The following LUZP2 variants were observed in gnomAD, a reference collection of about 807,000 sequenced individuals.
The protein encoded by LUZP2 is leucine zipper protein 2.
Under a neutral mutation model 51.6 loss-of-function variants are expected in LUZP2, and 52 were observed. The observed-to-expected ratio is 1.01, with a 90% CI of 0.81 to 1.27. LUZP2 has a LOEUF of 1.27. Ranked by LOEUF, LUZP2 falls within the 50% of genes most tolerant of loss-of-function variation. The probability of loss-of-function intolerance (pLI) is 0.00; values close to 1 mark genes in which losing one functional copy is unlikely to be tolerated. For missense variants in LUZP2, 436 were observed against 395.4 expected (o/e 1.10, Z -0.87); for synonymous variants, 154 against 137.3 (o/e 1.12, Z -0.85).
At chr11:24,510,424 C>A (rs1590118332) in intron 1 of LUZP2, among the ~76,000 whole-genome samples, 1 of 152,134 alleles carries the variant, frequency 6.6e-6, no homozygotes, top group East Asian at 1.9e-4. Context: ...TGCCTGCAAC[C>A]CTTGCCACCT....
At chr11:24,896,830 T>C (rs1853078455) in intron 5 of LUZP2, among the ~76,000 whole-genome samples, 1 of 152,214 alleles carries the variant, frequency 6.6e-6, no homozygotes, top group South Asian at 2.1e-4. Context: ...ATCAGCACTC[T>C]GTGTCTAGCT....
chr11:24,684,437 C>T (rs1177967045), intron 1 of LUZP2, among the ~76,000 whole-genome samples: 1 of 152,140 alleles, frequency 6.6e-6, no homozygotes, highest in African/African-American at 2.4e-5. Flanking sequence ...TTGTAGTGTT[C>T]CTTCTGTCCT....
chr11:24,620,708 G>A (rs1279818561), intron 1 of LUZP2, among the ~76,000 whole-genome samples: 2 of 152,132 alleles, frequency 1.3e-5, no homozygotes, highest in African/African-American at 4.8e-5. Context: ...AGTCCTGTGA[G>A]AAACACCCAT....
At position 24,738,247 on chromosome 11, in the gene LUZP2, C is replaced by T; in HGVS notation, c.278C>T (p.Ala93Val). The T allele has an allele frequency of 6.2e-7, 1 of 1,612,018 alleles. No individual in the cohort carries two copies. Among genetic ancestry groups the T allele is most frequent in the Non-Finnish European group, 8.5e-7 (1 of 1,178,574 alleles). Residue 93 changes from alanine to valine, a missense_variant, in exon 4 of 12, where the codon GCC becomes GTC. Coordinates refer to ENST00000336930, the MANE Select transcript of LUZP2 (RefSeq NM_001009909.4). ...GAAGAAATGAAGTCTCTTCAGGAGG[C>T]CCTGCAAAATCAGCTTAAGGAGACA... is the stretch of plus-strand genomic sequence containing the variant. The part of the protein sequence containing the change: ...QREEMKSLQE[A>V]LQNQLKETSE...
At chr11:24,540,353 G>T (rs1045968753) in intron 1 of LUZP2, among the ~76,000 whole-genome samples, 3 of 152,066 alleles carry the variant, frequency 2.0e-5, no homozygotes, top group Non-Finnish European at 2.9e-5. Context: ...CCTTTGGGAG[G>T]CAATTAGGGT....
intron 1 of LUZP2, among the ~76,000 whole-genome samples, chr11:24,706,940 C>G (rs180731977): frequency 6.7e-6 from 1 of 150,312 alleles, no homozygotes; most frequent in Admixed American, 6.6e-5. Flanking sequence ...TTCTATAGCA[C>G]TGTGATCTGG....
intron 1 of LUZP2, among the ~76,000 whole-genome samples, chr11:24,623,538 C>T (rs1053012090): frequency 1.3e-5 from 2 of 152,002 alleles, no homozygotes; most frequent in African/African-American, 4.8e-5. Flanking sequence ...CAGCTATGTC[C>T]CCATCACTTA....
At chr11:24,537,883 G>A (rs983014341) in intron 1 of LUZP2, among the ~76,000 whole-genome samples, 1 of 151,718 alleles carries the variant, frequency 6.6e-6, no homozygotes, top group African/African-American at 2.4e-5. Context: ...ATATTTTACT[G>A]TCTTGCTTTC....
chr11:24,770,860 A>G (rs1476071740), intron 5 of LUZP2, among the ~76,000 whole-genome samples: 1 of 152,200 alleles, frequency 6.6e-6, no homozygotes, highest in Non-Finnish European at 1.5e-5. Flanking sequence ...CTCTACAAAC[A>G]CACCACTGAT....
chr11:24,915,854 T>C (rs79689808), intron 7 of LUZP2, among the ~76,000 whole-genome samples: 1,638 of 152,068 alleles, frequency 0.011, 36 homozygotes, highest in African/African-American at 0.037. Flanking sequence ...CAAAAGTATC[T>C]ATTAACACAG....
At chr11:24,677,124 G>T (rs12576818) in intron 1 of LUZP2, among the ~76,000 whole-genome samples, 1 of 151,676 alleles carries the variant, frequency 6.6e-6, no homozygotes, top group Non-Finnish European at 1.5e-5. Context: ...ATCATTTTTT[G>T]TCTATTTCCA....
At chr11:24,608,939 G>A (rs1854026894) in intron 1 of LUZP2, among the ~76,000 whole-genome samples, 1 of 151,978 alleles carries the variant, frequency 6.6e-6, no homozygotes, top group African/African-American at 2.4e-5. Flanking sequence ...GATATCTAGT[G>A]GTATTTGCTG....
intron 5 of LUZP2, among the ~76,000 whole-genome samples, chr11:24,793,063 A>AACTG (rs1849450587): frequency 6.6e-6 from 1 of 152,184 alleles, no homozygotes; most frequent in African/African-American, 2.4e-5. Flanking sequence ...GCAAATTATT[A>AACTG]ACTGTGGATT....
At chr11:24,896,206 G>A (rs1421047658) in intron 5 of LUZP2, among the ~76,000 whole-genome samples, 2 of 152,230 alleles carry the variant, frequency 1.3e-5, no homozygotes, top group Admixed American at 1.3e-4. Flanking sequence ...GAGCCCTTCA[G>A]TCCGCCACTG....
chr11:24,873,807 GAGTGT>G (rs1852159611), intron 5 of LUZP2, among the ~76,000 whole-genome samples: 1 of 152,206 alleles, frequency 6.6e-6, no homozygotes, highest in Non-Finnish European at 1.5e-5. Flanking sequence ...TGAGTTCTCT[GAGTGT>G]CAGTTTAGTT....
At chr11:24,669,535 T>C (rs1370355653) in intron 1 of LUZP2, among the ~76,000 whole-genome samples, 1 of 152,154 alleles carries the variant, frequency 6.6e-6, no homozygotes, top group African/African-American at 2.4e-5. Context: ...AATGAATCTT[T>C]TCTATTTTTT....
Position 24,974,770 on chromosome 11 carries a change from T to G in LUZP2, c.523-1821T>G, listed in dbSNP as rs994789120. 2.6e-5 allele frequency among the ~76,000 whole-genome samples: 3 copies of G among 113,272 alleles called. No individual in the cohort carries two copies. The Admixed American group carries it at 3.3e-4, about 13-fold the overall frequency. The allele number at this position is 113,272 out of a possible 152,430, so 74.3% of individuals were successfully genotyped here. The stretch of plus-strand genomic sequence containing the variant: ...TTGGAATTTTAAAGACCTTACAATA[T>G]AGATAAACTTAGCACTTTCGAGGTA... On this transcript the variant is annotated intron_variant, in intron 7 of 11. Transcript: ENST00000336930.
intron 8 of LUZP2, among the ~76,000 whole-genome samples, chr11:24,980,241 A>G (rs1855988506): frequency 6.6e-6 from 1 of 151,702 alleles, no homozygotes; most frequent in Non-Finnish European, 1.5e-5. Context: ...TTAGGGGCAC[A>G]GTTGTCTTTG....
intron 10 of LUZP2, among the ~76,000 whole-genome samples, chr11:25,073,375 C>A (rs560990805): frequency 1.3e-5 from 2 of 152,216 alleles, no homozygotes; most frequent in South Asian, 4.1e-4. Context: ...TATTATAAAA[C>A]AAAGGAAACT....
Sources: gnomAD v4.1 joint callset for allele counts (sites outside exome capture counted in the v4.1 genomes callset) on GRCh38, gnomAD v4.1.1 for gene constraint, MANE v1.5 for transcripts, NCBI Gene and HGNC (gene_info 2026-07-23, HGNC 2026-07-21) for gene names.